Variants in PILRB observed in about 807,000 individuals in gnomAD.
PILRB encodes the protein paired immunoglobulin-like type 2 receptor beta.
In PILRB, 21 loss-of-function variants were observed where a neutral mutation model predicts 20.5. The observed-to-expected ratio is 1.02, with a 90% CI of 0.72 to 1.47. The LOEUF is 1.47. PILRB is among the 40% of genes most tolerant of loss of function. The pLI is 0.00. For synonymous variants in PILRB, 133 were observed against 115.1 expected (o/e 1.16, Z -0.99); for missense variants, 253 against 272.1 (o/e 0.93, Z 0.49).
chr7:100,364,412 C>T (rs1422566950), intron 3 of PILRB, among the ~76,000 whole-genome samples: 1 of 152,152 alleles, frequency 6.6e-6, no homozygotes, highest in Non-Finnish European at 1.5e-5. Flanking sequence ...ATGGTGGGTC[C>T]TTGCACCATC....
At chr7:100,358,420 C>A in intron 1 of PILRB, 54 bp downstream of exon 1, 4 of 1,582,006 alleles carry the variant, frequency 2.5e-6, no homozygotes, top group Non-Finnish European at 3.5e-6. Flanking sequence ...CAGGAGGGGC[C>A]AACCCAAGAC....
chr7:100,359,183 T>G, intron 2 of PILRB, 104 bp downstream of exon 2: 1 of 1,542,118 alleles, frequency 6.5e-7, no homozygotes, highest in Non-Finnish European at 8.9e-7. Flanking sequence ...TGAGAGCTGT[T>G]AGCATTTCAC....
intron 2 of PILRB, 96 bp downstream of exon 2, chr7:100,359,175 A>T: frequency 6.4e-7 from 1 of 1,555,564 alleles, no homozygotes; most frequent in Admixed American, 1.8e-5. Flanking sequence ...GTCTGGATTG[A>T]GAGCTGTTAG....
chr7:100,361,567 C>A (rs1790528757), intron 3 of PILRB, among the ~76,000 whole-genome samples: 1 of 152,186 alleles, frequency 6.6e-6, no homozygotes, highest in African/African-American at 2.4e-5. Flanking sequence ...GTGGCCGACA[C>A]CTGTAGTCCA....
chr7:100,360,014 T>A (rs575449361), intron 3 of PILRB, among the ~76,000 whole-genome samples: 1 of 151,412 alleles, frequency 6.6e-6, no homozygotes, highest in Non-Finnish European at 1.5e-5. Context: ...AGAACAAGAC[T>A]CTGTCTCAAA....
chr7:100,364,300 CAAA>C (rs1445956166), intron 3 of PILRB, among the ~76,000 whole-genome samples: 2 of 152,096 alleles, frequency 1.3e-5, no homozygotes, highest in East Asian at 3.9e-4. Flanking sequence ...GCATCTCTGC[CAAA>C]AAATTAACTC....
At position 100,360,023 on chromosome 7, in the gene PILRB, A is replaced by G. The variant is rs1584197245; in HGVS notation, c.655+486A>G. ...GGTGACAGAACAAGACTCTGTCTCAAACAAACAAACAAACAAACAAAAAAA... is the reference window on the plus strand; with the variant it reads ...GGTGACAGAACAAGACTCTGTCTCAGACAAACAAACAAACAAACAAAAAAA... On this transcript the variant is annotated intron_variant, in intron 3 of 3. Coordinates refer to ENST00000609309, the MANE Select transcript of PILRB (RefSeq NM_178238.4). Among the ~76,000 whole-genome samples the G allele has an allele frequency of 2.2e-5, 3 of 139,494 alleles. 1 individual carries two copies. In the East Asian group the frequency reaches 5.8e-4, roughly 27 times the overall value. The allele number at this position is 139,494 out of a possible 152,430, so 91.5% of individuals were successfully genotyped here.
Position 100,367,430 on chromosome 7 carries a change from G to A in PILRB, c.*53G>A. The A allele has an allele frequency of 2.6e-6, 2 of 779,336 alleles. No homozygotes were observed. Among genetic ancestry groups the A allele is most frequent in the East Asian group, 4.9e-5 (2 of 41,180 alleles). The allele number at this position is 779,336 out of a possible 1,614,324, so 48.3% of individuals were successfully genotyped here. On this transcript the variant is annotated 3_prime_UTR_variant, in exon 4 of 4. Coordinates refer to ENST00000609309, the MANE Select transcript of PILRB (RefSeq NM_178238.4). ...GTATTAGCCCCGGAGGACGTGATGT[G>A]AGACCCGCTTGTGAGTCCTCCACAC...
At chr7:100,365,220 G>A (rs576004839) in intron 3 of PILRB, among the ~76,000 whole-genome samples, 1 of 152,038 alleles carries the variant, frequency 6.6e-6, no homozygotes, top group Non-Finnish European at 1.5e-5. Flanking sequence ...GGCTGGTCTC[G>A]AACTCCTGAC....
At chr7:100,362,501 T>A (rs1032528645) in intron 3 of PILRB, among the ~76,000 whole-genome samples, 1 of 151,980 alleles carries the variant, frequency 6.6e-6, no homozygotes, top group African/African-American at 2.4e-5. Context: ...TTGGACAAGA[T>A]TGAACACCTT....
intron 3 of PILRB, among the ~76,000 whole-genome samples, chr7:100,366,685 A>G (rs1790697512): frequency 6.6e-6 from 1 of 151,912 alleles, no homozygotes; most frequent in Admixed American, 6.6e-5. Context: ...CGCCACCCAG[A>G]AGGAAACCAC....
In PILRB at chr7:100,359,487, T is replaced by G. The variant is rs1790467074; in HGVS notation, c.605T>G (p.Val202Gly). 1 of 1,613,238 alleles carries G rather than the reference T, an allele frequency of 6.2e-7. No homozygotes were observed. Among genetic ancestry groups the G allele is most frequent in the Non-Finnish European group, 8.5e-7 (1 of 1,179,614 alleles). ...TTGGCTGTCGCTGTGCTCAAAACTGTCATTTTGGGACTGCTGTGCCTCCTC... is the reference window on the plus strand; with the variant it reads ...TTGGCTGTCGCTGTGCTCAAAACTGGCATTTTGGGACTGCTGTGCCTCCTC... ...VALAVAVLKT[V>G]ILGLLCLLLL... The change falls in exon 3 of 4, where the codon GTC becomes GGC. Residue 202 changes from valine (V) to glycine (G), a missense_variant. By Grantham distance (109) the Val-to-Gly change is moderately radical. Transcript: ENST00000609309.
At chr7:100,362,259 C>T (rs554003114) in intron 3 of PILRB, among the ~76,000 whole-genome samples, 3 of 152,196 alleles carry the variant, frequency 2.0e-5, no homozygotes, top group South Asian at 2.1e-4. Flanking sequence ...GCAAGAAAAA[C>T]AATACACAAA....
intron 3 of PILRB, among the ~76,000 whole-genome samples, chr7:100,361,964 TAA>T (rs952077376): frequency 2.0e-5 from 3 of 152,042 alleles, no homozygotes; most frequent in Admixed American, 6.6e-5. Context: ...TTTAACTATA[TAA>T]AAAAATTTTT....
rs1390790598 is a variant in PILRB at position 100,358,123 on chromosome 7, A to C, written c.-180A>C. On this transcript the variant is annotated 5_prime_UTR_variant, in exon 1 of 4. Transcript: ENST00000609309. ...AATAAGAAGCCAGATGGATAAAGGA[A>C]GTGCTGGTCACCCTGGAGGTGTACT... 3.1e-6 allele frequency: 2 copies of C among 638,964 alleles called. No homozygotes were observed. The highest frequency in any genetic ancestry group is 3.7e-5 in the African/African-American group (2 of 54,628). 39.6% of individuals were successfully genotyped at this position (638,964 alleles called of 1,614,324 possible).
chr7:100,363,530 GAC>G lies in PILRB; in HGVS notation c.656-3815_656-3814del, dbSNP rs1790590758. ...AAACATTGCTGAACAAATGAAAGAA[GAC>G]ACAAATAGGTGGATGACATTCTTGT... On this transcript the variant is annotated intron_variant, in intron 3 of 3. Transcript: ENST00000609309. 2.6e-5 allele frequency among the ~76,000 whole-genome samples: 4 copies of G among 152,192 alleles called. No homozygotes were observed. The South Asian group carries it at 8.3e-4, about 32-fold the overall frequency.
In PILRB at chr7:100,359,052, A is replaced by C. The variant is rs774626263; in HGVS notation, c.427A>C (p.Lys143Gln). The C allele has an allele frequency of 8.7e-6, 14 of 1,614,018 alleles. No individual in the cohort carries two copies. The highest frequency in any genetic ancestry group is 1.3e-5 in the African/African-American group (1 of 74,884). The part of the protein sequence containing the change: ...RSGRQQLQSI[K>Q]GTKLTITQAV... ...AGGGAGGCAGCAGTTGCAGTCCATC[A>C]AGGGGACCAAACTCACCATCACCCA... Residue 143 changes from lysine (K) to glutamine (Q), a missense_variant, in exon 2 of 4, where the codon AAG becomes CAG. Coordinates refer to ENST00000609309, the MANE Select transcript of PILRB (RefSeq NM_178238.4).
chr7:100,361,230 C>T (rs1458935222), intron 3 of PILRB, among the ~76,000 whole-genome samples: 6 of 152,112 alleles, frequency 3.9e-5, no homozygotes, highest in East Asian at 1.9e-4. Context: ...CCACCGCACC[C>T]GGCCAGTTTG....
At chr7:100,363,450 A>G (rs1239741820) in intron 3 of PILRB, among the ~76,000 whole-genome samples, 1 of 152,222 alleles carries the variant, frequency 6.6e-6, no homozygotes, top group African/African-American at 2.4e-5. Context: ...ATAAAGTAAG[A>G]TCTTTAGGAA....
Sources: allele counts gnomAD v4.1 joint callset (sites outside exome capture counted in the v4.1 genomes callset), GRCh38; gene constraint gnomAD v4.1.1; transcripts MANE v1.5; gene names NCBI Gene and HGNC (gene_info 2026-07-23, HGNC 2026-07-21).